The following TMPRSS11D variants were observed in gnomAD, a reference collection of about 807,000 sequenced individuals.
The protein encoded by TMPRSS11D is transmembrane protease serine 11D.
TMPRSS11D carries 32 observed loss-of-function variants against 44.4 expected under a neutral mutation model. The observed-to-expected ratio is 0.72, with a 90% CI of 0.54 to 0.97. TMPRSS11D has a LOEUF of 0.97. Among genes scored for constraint, TMPRSS11D ranks in the 50% least tolerant of loss-of-function variants. The pLI is 0.00. For missense variants in TMPRSS11D, 446 were observed against 502.6 expected (o/e 0.89, Z 1.08); for synonymous variants, 179 against 177.9 (o/e 1.01, Z -0.05).
chr4:67,823,134 T>C (rs1253535340), intron 9 of TMPRSS11D, among the ~76,000 whole-genome samples: 1 of 152,196 alleles, frequency 6.6e-6, no homozygotes, highest in African/African-American at 2.4e-5. Context: ...TTCTAGCCCT[T>C]AGGAGATATT....
chr4:67,833,373 C>T lies in TMPRSS11D; in HGVS notation c.523G>A (p.Ala175Thr). 6.7e-7 allele frequency: 1 copy of T among 1,502,570 alleles called. No individual in the cohort carries two copies. The allele number at this position is 1,502,570 out of a possible 1,614,324, so 93.1% of individuals were successfully genotyped here. Residue 175 changes from alanine (A) to threonine (T), a missense_variant, in exon 7 of 10, where the codon GCC (alanine) becomes ACC (threonine). Physicochemically the swap from Ala to Thr is moderately conservative, Grantham distance 58. Coordinates refer to ENST00000283916, the MANE Select transcript of TMPRSS11D (RefSeq NM_004262.3). ...GACAATGTTATTAGGTCTGGACCGG[C>T]CCCACATTCTAATGAGAAAGGGCAT... ...AANWLINECG[A>T]GPDLITLSEQ...
intron 1 of TMPRSS11D, 40 bp downstream of exon 1, chr4:67,883,886 G>C (rs776667221): frequency 1.5e-5 from 24 of 1,553,508 alleles, no homozygotes; most frequent in Middle Eastern, 3.4e-4. Flanking sequence ...GTAAGATATA[G>C]TAAAACTTTT....
intron 2 of TMPRSS11D, among the ~76,000 whole-genome samples, 200 bp downstream of exon 2, chr4:67,859,357 G>A (rs1718738519): frequency 6.6e-6 from 1 of 151,800 alleles, no homozygotes; most frequent in African/African-American, 2.4e-5. Flanking sequence ...ACTAAAAATG[G>A]CCAAAATAGG....
intron 1 of TMPRSS11D, among the ~76,000 whole-genome samples, chr4:67,860,963 A>G (rs937818710): frequency 6.6e-6 from 1 of 152,150 alleles, no homozygotes; most frequent in Non-Finnish European, 1.5e-5. Context: ...CACTGGAACT[A>G]GTAACATTTC....
At chr4:67,867,715 A>G (rs1718960208) in intron 1 of TMPRSS11D, among the ~76,000 whole-genome samples, 1 of 152,112 alleles carries the variant, frequency 6.6e-6, no homozygotes, top group Non-Finnish European at 1.5e-5. Flanking sequence ...CCACAAACAA[A>G]TGAAAAAAAT....
intron 1 of TMPRSS11D, among the ~76,000 whole-genome samples, chr4:67,868,023 T>C (rs1577829632): frequency 6.6e-6 from 1 of 152,250 alleles, no homozygotes; most frequent in Middle Eastern, 3.4e-3. Flanking sequence ...CATATGTTTA[T>C]TGCAGCACTA....
At chr4:67,848,599 G>A (rs532878840) in intron 3 of TMPRSS11D, among the ~76,000 whole-genome samples, 1 of 152,334 alleles carries the variant, frequency 6.6e-6, no homozygotes, top group Non-Finnish European at 1.5e-5. Flanking sequence ...GCCAATTAAT[G>A]ATATTAGAGA....
intron 3 of TMPRSS11D, among the ~76,000 whole-genome samples, chr4:67,853,097 A>C (rs1199605822): frequency 6.6e-6 from 1 of 152,230 alleles, no homozygotes; most frequent in East Asian, 1.9e-4. Context: ...TATGAGCCAA[A>C]GCATAGACAT....
chr4:67,850,621 G>A (rs1488345984), intron 3 of TMPRSS11D, among the ~76,000 whole-genome samples: 1 of 152,110 alleles, frequency 6.6e-6, no homozygotes, highest in Admixed American at 6.5e-5. Context: ...TGGGGTGACA[G>A]CCCCAAAAGA....
In TMPRSS11D at chr4:67,838,349, T is replaced by C; in HGVS notation, c.318-20A>G. The C allele has an allele frequency of 6.6e-7, 1 of 1,522,150 alleles. No homozygotes were observed. Among genetic ancestry groups the C allele is most frequent in the Non-Finnish European group, 8.8e-7 (1 of 1,137,894 alleles). The allele number at this position is 1,522,150 out of a possible 1,614,324, so 94.3% of individuals were successfully genotyped here. A position where few individuals can be genotyped will look rare whatever the true frequency, so the allele number is the denominator to read the frequency against. ...TCTTGCCTGTAAATCATAAAGATAT[T>C]TTAAAAAACAAATAATATGACAATT... On this transcript the variant is annotated intron_variant, in intron 4 of 9. Coordinates refer to ENST00000283916, the MANE Select transcript of TMPRSS11D (RefSeq NM_004262.3).
intron 9 of TMPRSS11D, among the ~76,000 whole-genome samples, chr4:67,825,191 C>T (rs1041316506): frequency 6.6e-5 from 10 of 151,634 alleles, no homozygotes; most frequent in East Asian, 1.9e-4. Context: ...TGAATTATTA[C>T]GTATCTCTTA....
At chr4:67,827,588 C>T (rs1717834465) in intron 7 of TMPRSS11D, 68 bp from the exon 8 acceptor site, 1 of 1,471,578 alleles carries the variant, frequency 6.8e-7, no homozygotes, top group East Asian at 2.4e-5. Flanking sequence ...ATAAATTCAT[C>T]TTAGCCATCC....
At chr4:67,863,619 T>A (rs559024303) in intron 1 of TMPRSS11D, among the ~76,000 whole-genome samples, 6 of 152,188 alleles carry the variant, frequency 3.9e-5, no homozygotes, top group African/African-American at 1.4e-4. Flanking sequence ...TCTAAGGGGA[T>A]GTGAAAAGGG....
At position 67,822,407 on chromosome 4, in the gene TMPRSS11D, G is replaced by A. The variant is rs200262087; in HGVS notation, c.1187C>T (p.Pro396Leu). 2.0e-5 allele frequency: 32 copies of A among 1,613,800 alleles called. 1 individual carries two copies. The highest frequency in any genetic ancestry group is 3.3e-4 in the Middle Eastern group (2 of 6,062). ...TCGAGTATACACTCCTGGCTTATCC[G>A]GCAGGCCACACTGATCTCCCCAGCT... ...IVSWGDQCGLPDKPGVYTRVT... is the reference protein window; with the variant it reads ...IVSWGDQCGLLDKPGVYTRVT... Residue 396 changes from proline (P) to leucine (L), a missense_variant, in exon 10 of 10, where the codon CCG becomes CTG. Pro to Leu is a moderately conservative substitution (Grantham distance 98). Transcript: ENST00000283916.
intron 2 of TMPRSS11D, among the ~76,000 whole-genome samples, chr4:67,856,273 G>T (rs1718632631): frequency 6.6e-6 from 1 of 152,088 alleles, no homozygotes; most frequent in Admixed American, 6.6e-5. Context: ...AATGGTATTG[G>T]TATAAAAACA....
At chr4:67,871,723 C>T (rs1719065491) in intron 1 of TMPRSS11D, among the ~76,000 whole-genome samples, 1 of 152,102 alleles carries the variant, frequency 6.6e-6, no homozygotes, top group African/African-American at 2.4e-5. Context: ...TTCTTGCTTC[C>T]ATAATTCAGA....
At chr4:67,883,385 A>G (rs1398897193) in intron 1 of TMPRSS11D, among the ~76,000 whole-genome samples, 2 of 152,102 alleles carry the variant, frequency 1.3e-5, no homozygotes. Flanking sequence ...AAAGAAAACC[A>G]GAGAGAGATT....
At chr4:67,869,828 C>G (rs552011022) in intron 1 of TMPRSS11D, among the ~76,000 whole-genome samples, 3 of 152,176 alleles carry the variant, frequency 2.0e-5, no homozygotes, top group Non-Finnish European at 4.4e-5. Context: ...TAGGTACTTA[C>G]GACATGGTAT....
intron 3 of TMPRSS11D, among the ~76,000 whole-genome samples, chr4:67,851,985 G>A (rs909018995): frequency 2.6e-5 from 4 of 152,140 alleles, no homozygotes; most frequent in African/African-American, 9.7e-5. Flanking sequence ...AGGAGGTGGG[G>A]CAACTCACAC....
Sources: allele counts gnomAD v4.1 joint callset (sites outside exome capture counted in the v4.1 genomes callset), GRCh38; gene constraint gnomAD v4.1.1; transcripts MANE v1.5; gene names NCBI Gene and HGNC (gene_info 2026-07-23, HGNC 2026-07-21).